Variants in CADPS observed in about 807,000 individuals in gnomAD.
CADPS encodes calcium dependent secretion activator, also known as calcium-dependent secretion activator 1.
CADPS carries 57 observed loss-of-function variants against 167.3 expected under a neutral mutation model. That is an observed-to-expected ratio of 0.34 (90% CI 0.28 to 0.42). The LOEUF is 0.42. Among genes scored for constraint, CADPS ranks in the 20% least tolerant of loss-of-function variants. The pLI is 1.00. For missense variants in CADPS, 1,414 were observed against 1,738.1 expected, an observed-to-expected ratio of 0.81 and a Z score of 3.32; for synonymous variants, 676 against 635.3, an observed-to-expected ratio of 1.06 and a Z score of -0.96.
In CADPS at chr3:62,479,888, C is replaced by A. The variant is rs2061776482; in HGVS notation, c.3174-1472G>T. Among the ~76,000 whole-genome samples the A allele has an allele frequency of 2.0e-5, 3 of 152,312 alleles. No individual in the cohort carries two copies. In the South Asian group the frequency reaches 6.2e-4, roughly 32 times the overall value. On this transcript the variant is annotated intron_variant, in intron 22 of 29. Transcript: ENST00000383710. ...AAGTTCAGCCTTCCCCCTGCCCCAA[C>A]CTATGCTTGGGAAAAAGAAACCCCA... is the stretch of plus-strand genomic sequence containing the variant.
At chr3:62,771,289 G>C (rs1241739703) in intron 1 of CADPS, among the ~76,000 whole-genome samples, 1 of 152,164 alleles carries the variant, frequency 6.6e-6, no homozygotes, top group Non-Finnish European at 1.5e-5. Context: ...CGATATAACA[G>C]TATCAAGGCA....
chr3:62,445,212 C>A (rs1241842681), intron 27 of CADPS, among the ~76,000 whole-genome samples: 1 of 152,126 alleles, frequency 6.6e-6, no homozygotes, highest in Non-Finnish European at 1.5e-5. Flanking sequence ...ATGAGGCCTG[C>A]ACTAAATTAT....
chr3:62,753,593 G>T lies in CADPS; in HGVS notation c.736C>A (p.Arg246Ser). The change falls in exon 3 of 30, where the codon CGT becomes AGT. Residue 246 changes from arginine (R) to serine (S), a missense_variant. Physicochemically the swap from Arg to Ser is moderately radical, Grantham distance 110. Transcript: ENST00000383710. The surrounding 1 kb of genome is among the most constrained non-coding windows in gnomAD (Gnocchi z 4.6). ...SWMAKFDAIY[R>S]GEEDPRKQQA... ...TGCTTCCGCGGGTCCTCTTCTCCAC[G>T]GTAGATGGCATCAAATTTGGCCATC... The T allele has an allele frequency of 6.2e-7, 1 of 1,614,086 alleles. No homozygotes were observed. The highest frequency in any genetic ancestry group is 8.5e-7 in the Non-Finnish European group (1 of 1,180,022).
intron 8 of CADPS, among the ~76,000 whole-genome samples, chr3:62,575,691 C>T (rs2082122971): frequency 6.6e-6 from 1 of 152,082 alleles, no homozygotes; most frequent in Admixed American, 6.6e-5. Context: ...TCTAAAGCAC[C>T]CTCTTCTTCA....
chr3:62,681,444 T>A (rs2077144143), intron 3 of CADPS, among the ~76,000 whole-genome samples: 1 of 151,868 alleles, frequency 6.6e-6, no homozygotes, highest in Non-Finnish European at 1.5e-5. Context: ...GTGTTAAAGT[T>A]TCAATAAACA....
intron 3 of CADPS, among the ~76,000 whole-genome samples, chr3:62,715,373 C>T (rs2048065): frequency 0.19 from 25,883 of 134,410 alleles, 2,461 homozygotes; most frequent in Middle Eastern, 0.32. Flanking sequence ...TATCTATCTA[C>T]CTATCTATCT....
intron 28 of CADPS, chr3:62,403,397 A>G (rs1464289939): frequency 2.6e-6 from 1 of 377,928 alleles, no homozygotes; most frequent in Non-Finnish European, 4.8e-6. Flanking sequence ...CAGACAATCT[A>G]AGACAGTTAG....
At chr3:62,494,534 C>G (rs953232073) in intron 18 of CADPS, among the ~76,000 whole-genome samples, 2 of 152,142 alleles carry the variant, frequency 1.3e-5, no homozygotes, top group Middle Eastern at 3.2e-3. Context: ...ATTGGGAAGA[C>G]TGAGTTGCCT....
At chr3:62,842,423 G>A (rs1404909897) in intron 1 of CADPS, among the ~76,000 whole-genome samples, 1 of 152,200 alleles carries the variant, frequency 6.6e-6, no homozygotes, top group African/African-American at 2.4e-5. Flanking sequence ...ATTTTCTTCA[G>A]TAATCTGTCC....
intron 24 of CADPS, among the ~76,000 whole-genome samples, chr3:62,469,381 C>A (rs186804807): frequency 3.9e-5 from 6 of 152,256 alleles, no homozygotes; most frequent in Non-Finnish European, 8.8e-5. Flanking sequence ...ATATATATAT[C>A]AGTGGGGCAA....
intron 24 of CADPS, among the ~76,000 whole-genome samples, chr3:62,471,757 A>G (rs530997203): frequency 7.9e-5 from 12 of 152,334 alleles, no homozygotes; most frequent in African/African-American, 2.9e-4. Flanking sequence ...AAGAAGATTT[A>G]AGGGGAAATA....
intron 6 of CADPS, among the ~76,000 whole-genome samples, chr3:62,596,453 C>T (rs2058961121): frequency 6.6e-6 from 1 of 152,072 alleles, no homozygotes; most frequent in Non-Finnish European, 1.5e-5. Flanking sequence ...CCACCTTGGC[C>T]TCCCAAAGTG....
chr3:62,481,612 C>T (rs1262967571), intron 22 of CADPS, 111 bp downstream of exon 22: 19 of 996,986 alleles, frequency 1.9e-5, no homozygotes, highest in Non-Finnish European at 2.6e-5. Context: ...CAAAATATGT[C>T]TAATTATCCA....
chr3:62,491,390 A>G lies in CADPS; in HGVS notation c.2975T>C (p.Ile992Thr), dbSNP rs1165315843. The G allele has an allele frequency of 1.9e-6, 3 of 1,614,184 alleles. No homozygotes were observed. Among genetic ancestry groups the G allele is most frequent in the African/African-American group, 1.3e-5 (1 of 75,044 alleles). Reference protein sequence around the residue: ...VRYVDLMESSIAQSIHRGFER... With the variant: ...VRYVDLMESSTAQSIHRGFER... ...AAAGCCCCTGTGAATGGATTGTGCAATTGAGGACTCCATCAGATCCACATA... is the reference window on the plus strand; with the variant it reads ...AAAGCCCCTGTGAATGGATTGTGCAGTTGAGGACTCCATCAGATCCACATA... The change falls in exon 21 of 30, where the codon ATT (isoleucine) becomes ACT (threonine). Residue 992 changes from isoleucine (I) to threonine (T), a missense_variant. Physicochemically the swap from Ile to Thr is moderately conservative, Grantham distance 89. Around this residue, in one of 6 missense-constraint regions of CADPS, gnomAD observed 529 missense variants for 629.6 expected, o/e 0.84. Coordinates refer to ENST00000383710, the MANE Select transcript of CADPS (RefSeq NM_003716.4).
intron 3 of CADPS, among the ~76,000 whole-genome samples, chr3:62,688,094 C>T (rs900579327): frequency 6.6e-6 from 1 of 151,986 alleles, no homozygotes; most frequent in South Asian, 2.1e-4. Flanking sequence ...ATCAGTTAAT[C>T]GAGAATCAAG....
intron 28 of CADPS, among the ~76,000 whole-genome samples, chr3:62,425,280 G>T (rs896596579): frequency 6.6e-6 from 1 of 152,090 alleles, no homozygotes; most frequent in Non-Finnish European, 1.5e-5. Flanking sequence ...GGGCTGTCTT[G>T]TTCATGGTAG....
chr3:62,399,547 G>A lies in CADPS; in HGVS notation c.3921C>T (p.Asp1307=), dbSNP rs781046022. The part of the protein sequence containing the change: ...YRDFRLQGVL[D]STLNSKTYET... Reference sequence around the variant, plus strand: ...CATAGGTCTTGCTGTTTAAGGTGGAGTCCAGGACCCCTTGCAATCGGAAAT... The same window carrying A: ...CATAGGTCTTGCTGTTTAAGGTGGAATCCAGGACCCCTTGCAATCGGAAAT... Residue 1307 remains aspartate (D), a synonymous_variant, in exon 30 of 30, where the codon GAC becomes GAT. Coordinates refer to ENST00000383710, the MANE Select transcript of CADPS (RefSeq NM_003716.4). The surrounding 1 kb of genome is among the most constrained non-coding windows in gnomAD (Gnocchi z 5.6). The A allele has an allele frequency of 1.9e-6, 3 of 1,614,104 alleles. No individual in the cohort carries two copies. In the East Asian group the frequency reaches 6.7e-5, roughly 36 times the overall value.
chr3:62,602,365 G>A lies in CADPS; in HGVS notation c.1326-9617C>T, dbSNP rs117171025. Among the ~76,000 whole-genome samples, 46 of 152,066 alleles carry A rather than the reference G, an allele frequency of 3.0e-4. No individual in the cohort carries two copies. In the East Asian group the frequency reaches 7.0e-3, roughly 23 times the overall value. ...GGATTTGCATTTATTCAAGGTATACGGCTCATGTGAACTGGGTGTTAAATT... is the reference window on the plus strand; with the variant it reads ...GGATTTGCATTTATTCAAGGTATACAGCTCATGTGAACTGGGTGTTAAATT... On this transcript the variant is annotated intron_variant, in intron 6 of 29. Coordinates refer to ENST00000383710, the MANE Select transcript of CADPS (RefSeq NM_003716.4). The surrounding 1 kb of genome is among the most constrained non-coding windows in gnomAD (Gnocchi z 4.4).
At chr3:62,699,681 G>A (rs1422736325) in intron 3 of CADPS, among the ~76,000 whole-genome samples, 1 of 152,074 alleles carries the variant, frequency 6.6e-6, no homozygotes, top group Non-Finnish European at 1.5e-5. Flanking sequence ...TGATTTTCCT[G>A]CCTCAGCTTC....
Sources: allele counts gnomAD v4.1 joint callset (sites outside exome capture counted in the v4.1 genomes callset), GRCh38; gene constraint gnomAD v4.1.1; regional missense constraint gnomAD v4.1.1; non-coding constraint Gnocchi (gnomAD v3.1); transcripts MANE v1.5; gene names NCBI Gene and HGNC (gene_info 2026-07-23, HGNC 2026-07-21).